LINGO2: variants seen among roughly 807,000 people sequenced by gnomAD.
The protein encoded by LINGO2 is leucine rich repeat and Ig domain containing 2.
LINGO2 carries 14 observed loss-of-function variants against 30.6 expected under a neutral mutation model. The ratio of observed to expected loss-of-function variants is 0.46; its 90% CI spans 0.30 to 0.72. The LOEUF (loss-of-function observed/expected upper bound fraction) is 0.72. LINGO2 is among the 30% of genes least tolerant of loss of function. The probability of loss-of-function intolerance (pLI) is 0.07; values close to 1 mark genes in which losing one functional copy is unlikely to be tolerated. For missense variants in LINGO2, 729 were observed against 751.7 expected, an observed-to-expected ratio of 0.97 and a Z score of 0.35; for synonymous variants, 317 against 288.5, an observed-to-expected ratio of 1.10 and a Z score of -1.00.
intron 4 of LINGO2, among the ~76,000 whole-genome samples, chr9:28,215,204 T>A (rs376903211): frequency 1.3e-5 from 2 of 151,836 alleles, no homozygotes; most frequent in Admixed American, 6.6e-5. Flanking sequence ...ATAGCTATGA[T>A]ATCTAACAAT....
chr9:28,366,440 G>C (rs1285926977), intron 3 of LINGO2, among the ~76,000 whole-genome samples: 1 of 152,100 alleles, frequency 6.6e-6, no homozygotes, highest in Non-Finnish European at 1.5e-5. Flanking sequence ...GAACCTTTCA[G>C]CTCATGTTTT....
the LINGO2 span, among the ~76,000 whole-genome samples, chr9:28,888,067 T>A: frequency 2.0e-5 from 3 of 152,124 alleles, no homozygotes; most frequent in East Asian, 5.8e-4. Context: ...ATAGAATATT[T>A]AACACAAATA....
At chr9:28,744,190 T>G in the LINGO2 span, among the ~76,000 whole-genome samples, 35 of 152,002 alleles carry the variant, frequency 2.3e-4, 2 homozygotes, top group Middle Eastern at 3.4e-3. Flanking sequence ...TTGGTTCTTT[T>G]TAATACTTTC....
At chr9:27,979,944 A>C (rs1270611126) in intron 5 of LINGO2, among the ~76,000 whole-genome samples, 1 of 151,980 alleles carries the variant, frequency 6.6e-6, no homozygotes, top group Non-Finnish European at 1.5e-5. Flanking sequence ...GAAGAATCAT[A>C]TCTCATGTGG....
At chr9:28,464,695 G>A (rs1564216134) in intron 2 of LINGO2, among the ~76,000 whole-genome samples, 1 of 152,124 alleles carries the variant, frequency 6.6e-6, no homozygotes, top group African/African-American at 2.4e-5. Context: ...TCTTGGTAAA[G>A]GCCATCATCG....
At chr9:28,120,257 A>G (rs545885209) in intron 4 of LINGO2, among the ~76,000 whole-genome samples, 4 of 152,312 alleles carry the variant, frequency 2.6e-5, no homozygotes, top group Admixed American at 6.5e-5. Flanking sequence ...ACACTGTCCA[A>G]TTGGAGGTAC....
intron 4 of LINGO2, among the ~76,000 whole-genome samples, chr9:28,286,190 T>C (rs1032425235): frequency 2.0e-5 from 3 of 152,180 alleles, no homozygotes; most frequent in Non-Finnish European, 4.4e-5. Flanking sequence ...TATCTGACAA[T>C]GGACAGAATG....
At chr9:29,110,179 T>C in the LINGO2 span, among the ~76,000 whole-genome samples, 1 of 152,198 alleles carries the variant, frequency 6.6e-6, no homozygotes, top group Non-Finnish European at 1.5e-5. Flanking sequence ...AACATGTAAT[T>C]AGCCAATCAT....
At chr9:28,281,605 G>A (rs1031376129) in intron 4 of LINGO2, among the ~76,000 whole-genome samples, 4 of 152,142 alleles carry the variant, frequency 2.6e-5, no homozygotes, top group Non-Finnish European at 4.4e-5. Flanking sequence ...CTACAGTAAA[G>A]GGGAAAAATT....
At chr9:29,177,268 A>C in the LINGO2 span, among the ~76,000 whole-genome samples, 1 of 152,192 alleles carries the variant, frequency 6.6e-6, no homozygotes, top group African/African-American at 2.4e-5. Flanking sequence ...ATTTTTCCCA[A>C]TAGAATATAT....
chr9:28,884,430 G>A, the LINGO2 span, among the ~76,000 whole-genome samples: 350 of 152,158 alleles, frequency 2.3e-3, 1 homozygote, highest in African/African-American at 8.1e-3. Flanking sequence ...TCTGAGTTTT[G>A]TTAACAAATG....
At chr9:29,137,048 C>G in the LINGO2 span, among the ~76,000 whole-genome samples, 40 of 152,004 alleles carry the variant, frequency 2.6e-4, no homozygotes, top group South Asian at 1.5e-3. Flanking sequence ...CCCAGCCCCC[C>G]AAAAAATACA....
At chr9:29,063,081 GATAGAA>G in the LINGO2 span, among the ~76,000 whole-genome samples, 1 of 152,080 alleles carries the variant, frequency 6.6e-6, no homozygotes, top group African/African-American at 2.4e-5. Context: ...GGAAACAATT[GATAGAA>G]ATAGAAAGGT....
At chr9:27,952,626 A>G (rs1427518376) in intron 5 of LINGO2, among the ~76,000 whole-genome samples, 2 of 152,082 alleles carry the variant, frequency 1.3e-5, no homozygotes, top group Admixed American at 6.5e-5. Flanking sequence ...TTATATCTAA[A>G]TATATTTGAA....
At chr9:28,876,576 G>C in the LINGO2 span, among the ~76,000 whole-genome samples, 1 of 152,122 alleles carries the variant, frequency 6.6e-6, no homozygotes, top group African/African-American at 2.4e-5. Flanking sequence ...CAAAGGACAT[G>C]AGCTCATCAT....
the LINGO2 span, among the ~76,000 whole-genome samples, chr9:29,087,186 A>C: frequency 6.6e-6 from 1 of 152,046 alleles, no homozygotes; most frequent in African/African-American, 2.4e-5. Flanking sequence ...CCAAGAAGTA[A>C]TCTTTTTAAT....
intron 2 of LINGO2, among the ~76,000 whole-genome samples, chr9:28,384,946 C>A (rs1376753137): frequency 6.6e-6 from 1 of 152,042 alleles, no homozygotes; most frequent in Non-Finnish European, 1.5e-5. Context: ...CAATGTTGCC[C>A]TCAAAAAATC....
chr9:28,440,965 C>T (rs1824166828), intron 2 of LINGO2, among the ~76,000 whole-genome samples: 1 of 152,092 alleles, frequency 6.6e-6, no homozygotes, highest in African/African-American at 2.4e-5. Context: ...CCCAAAAAAG[C>T]ATGTGTTGGA....
At chr9:27,959,942 A>G (rs1458456979) in intron 5 of LINGO2, among the ~76,000 whole-genome samples, 7 of 152,176 alleles carry the variant, frequency 4.6e-5, no homozygotes, top group Admixed American at 4.6e-4. Context: ...CATGTATGTT[A>G]AAGCTCTGAT....
Sources: allele counts gnomAD v4.1 joint callset (sites outside exome capture counted in the v4.1 genomes callset), GRCh38; gene constraint gnomAD v4.1.1; transcripts MANE v1.5; gene names NCBI Gene and HGNC (gene_info 2026-07-23, HGNC 2026-07-21).